The following MACROH2A1 variants were observed in gnomAD, a reference collection of about 807,000 sequenced individuals.
MACROH2A1 encodes the protein macroH2A.1 histone, also known as core histone macro-H2A.1.
A neutral mutation model predicts 31.6 loss-of-function variants in MACROH2A1; 2 were observed. The observed-to-expected ratio is 0.06, with a 90% CI of 0.03 to 0.20. The LOEUF is 0.20. Among genes scored for constraint, MACROH2A1 ranks in the 10% least tolerant of loss-of-function variants. The pLI is 1.00. For synonymous variants in MACROH2A1, 169 were observed against 189.6 expected (o/e 0.89, Z 0.89); for missense variants, 230 against 474.0 (o/e 0.49, Z 4.78).
rs1581395349 is a variant in MACROH2A1 at position 135,396,909 on chromosome 5, T to C, written c.-34+2153A>G. Among the ~76,000 whole-genome samples the C allele has an allele frequency of 7.2e-5, 11 of 152,178 alleles. 3 individuals are homozygous for C. Among genetic ancestry groups the C allele is most frequent in the Admixed American group, 7.2e-4 (11 of 15,276 alleles). On this transcript the variant is annotated intron_variant, in intron 1 of 8. Transcript: ENST00000511689. ...GAAGAGTTGACTCACTCAGGCTCACTTGTAAGCACTGAGGCAGGGCCCAAA... is the reference window on the plus strand; with the variant it reads ...GAAGAGTTGACTCACTCAGGCTCACCTGTAAGCACTGAGGCAGGGCCCAAA...
chr5:135,339,117 C>A (rs948896741), intron 8 of MACROH2A1, among the ~76,000 whole-genome samples: 1 of 152,190 alleles, frequency 6.6e-6, no homozygotes, highest in African/African-American at 2.4e-5. Flanking sequence ...GAGTTTCCTA[C>A]ACCATAGGGC....
intron 8 of MACROH2A1, chr5:135,337,796 C>T (rs769310012): frequency 1.3e-5 from 3 of 233,694 alleles, no homozygotes; most frequent in African/African-American, 2.3e-5. Context: ...CCTACCGTCC[C>T]GTTAATAGAG....
intron 2 of MACROH2A1, among the ~76,000 whole-genome samples, chr5:135,383,699 T>TGG (rs140513156): frequency 8.5e-6 from 1 of 118,310 alleles, no homozygotes; most frequent in Admixed American, 8.9e-5. Flanking sequence ...TGATGTGGTG[T>TGG]GGTGTGTGTG....
rs536902121 is a variant in MACROH2A1 at position 135,369,622 on chromosome 5, T to G, written c.280-19A>C. 95 of 1,594,422 alleles carry G rather than the reference T, an allele frequency of 6.0e-5. No homozygotes were observed. The highest frequency in any genetic ancestry group is 1.9e-4 in the Middle Eastern group (1 of 5,160). On this transcript the variant is annotated intron_variant, in intron 3 of 8. Coordinates refer to ENST00000511689, the MANE Select transcript of MACROH2A1 (RefSeq NM_138610.3). The surrounding 1 kb of genome is among the most constrained non-coding windows in gnomAD (Gnocchi z 4.3). Reference sequence around the variant, plus strand: ...TTAGCAGCTTTCAGGAAAACCAGAATAGCAGATAGTGAGCCAGATACCCTG... The same window carrying G: ...TTAGCAGCTTTCAGGAAAACCAGAAGAGCAGATAGTGAGCCAGATACCCTG...
In MACROH2A1 at chr5:135,335,152, GAAGAT is replaced by G; in HGVS notation, c.954-16_954-12del. ...TTTGGAAAACCGTTCCTGGAGAAGAGAAGATAAGCACTCAGCAACTGGGATGCCAC... is the reference window on the plus strand; with the variant it reads ...TTTGGAAAACCGTTCCTGGAGAAGAGAAGCACTCAGCAACTGGGATGCCAC... On this transcript the variant is annotated splice_polypyrimidine_tract_variant and intron_variant, in intron 8 of 8. Transcript: ENST00000511689. The G allele has an allele frequency of 6.2e-7, 1 of 1,612,712 alleles. No individual in the cohort carries two copies. The highest frequency in any genetic ancestry group is 8.5e-7 in the Non-Finnish European group (1 of 1,178,756).
chr5:135,399,354 C>G (rs1167297168), upstream of MACROH2A1: 1 of 152,348 alleles, frequency 6.6e-6, no homozygotes, highest in Non-Finnish European at 1.5e-5. The surrounding 1 kb of genome is among the most constrained non-coding windows in gnomAD (Gnocchi z 4.5). Flanking sequence ...ACCCCGGGCC[C>G]GCGCCCTACC....
At chr5:135,397,227 C>CT (rs1768137093) in intron 1 of MACROH2A1, among the ~76,000 whole-genome samples, 1 of 152,116 alleles carries the variant, frequency 6.6e-6, no homozygotes, top group Non-Finnish European at 1.5e-5. Context: ...CACATGCCCT[C>CT]TGAGCTTCTC....
At chr5:135,371,683 C>T (rs1460572283) in intron 2 of MACROH2A1, among the ~76,000 whole-genome samples, 1 of 152,150 alleles carries the variant, frequency 6.6e-6, no homozygotes, top group Non-Finnish European at 1.5e-5. Context: ...ACGGATAGAC[C>T]CAGAATGGAT....
At chr5:135,343,050 T>G (rs2149731535) in intron 8 of MACROH2A1, 1 of 1,218,514 alleles carries the variant, frequency 8.2e-7, no homozygotes, top group South Asian at 1.6e-5. Flanking sequence ...TATCAAAACT[T>G]AAGTTTTATA....
rs535259428 is a variant in MACROH2A1, at chr5:135,359,659, T to A, written c.588+838A>T. 3.6e-5 allele frequency: 35 copies of A among 985,138 alleles called. No individual in the cohort carries two copies. In the South Asian group the frequency reaches 1.3e-3, roughly 36 times the overall value. The allele number at this position is 985,138 out of a possible 1,614,324, so 61.0% of individuals were successfully genotyped here. On this transcript the variant is annotated intron_variant, in intron 5 of 8. Coordinates refer to ENST00000511689, the MANE Select transcript of MACROH2A1 (RefSeq NM_138610.3). Reference sequence around the variant, plus strand: ...ATGCAAAAGAAATTGACAGTGAGGGTTTAAAAATGATGCAGCTTCAGATCC... The same window carrying A: ...ATGCAAAAGAAATTGACAGTGAGGGATTAAAAATGATGCAGCTTCAGATCC...
chr5:135,364,321 A>C (rs916287835), intron 4 of MACROH2A1, among the ~76,000 whole-genome samples: 8 of 150,130 alleles, frequency 5.3e-5, no homozygotes, highest in Non-Finnish European at 1.2e-4. Flanking sequence ...GCAAACCAAC[A>C]TGGCACATGT....
At position 135,334,967 on chromosome 5, in the gene MACROH2A1, T is replaced by C. The variant is rs746277757; in HGVS notation, c.*9A>G. 4 of 1,611,354 alleles carry C rather than the reference T, an allele frequency of 2.5e-6. No individual in the cohort carries two copies. The highest frequency in any genetic ancestry group is 2.2e-5 in the East Asian group (1 of 44,814). ...GTACATGGTGCAGCTGGTTCTGTCA[T>C]TGCTCAGCCTAGTTGGCGTCCAGCT... is the stretch of plus-strand genomic sequence containing the variant. On this transcript the variant is annotated 3_prime_UTR_variant, in exon 9 of 9. Coordinates refer to ENST00000511689, the MANE Select transcript of MACROH2A1 (RefSeq NM_138610.3).
In MACROH2A1 at chr5:135,398,269, C is replaced by A. The variant is rs1312358869; in HGVS notation, c.-34+793G>T. Among the ~76,000 whole-genome samples, 1 of 152,186 alleles carries A rather than the reference C, an allele frequency of 6.6e-6. No individual in the cohort carries two copies. Among genetic ancestry groups the A allele is most frequent in the Non-Finnish European group, 1.5e-5 (1 of 68,018 alleles). On this transcript the variant is annotated intron_variant, in intron 1 of 8. Coordinates refer to ENST00000511689, the MANE Select transcript of MACROH2A1 (RefSeq NM_138610.3). The surrounding 1 kb of genome is among the most constrained non-coding windows in gnomAD (Gnocchi z 4.6). ...CACTGCCAGCAGCATCCTGCACACT[C>A]ACCTCCCCACTCCACCCCACCCCCA...
intron 4 of MACROH2A1, chr5:135,361,017 C>T (rs987461874): frequency 2.9e-5 from 10 of 340,722 alleles, no homozygotes; most frequent in East Asian, 8.2e-5. Context: ...CTCAAAAAGC[C>T]GACTAAGGAC....
chr5:135,396,853 C>G (rs545759923), intron 1 of MACROH2A1, among the ~76,000 whole-genome samples: 21 of 152,182 alleles, frequency 1.4e-4, no homozygotes, highest in African/African-American at 4.6e-4. Context: ...AGGTTTGGTC[C>G]AAGCAAACAA....
At chr5:135,345,863 GGCTGT>G (rs1237174994) in intron 7 of MACROH2A1, 100 bp downstream of exon 7, 8 of 755,300 alleles carry the variant, frequency 1.1e-5, no homozygotes, top group African/African-American at 5.1e-5. Flanking sequence ...TTGAAGATGC[GGCTGT>G]GCTGCCACAC....
intron 2 of MACROH2A1, among the ~76,000 whole-genome samples, chr5:135,376,530 C>G (rs1212222151): frequency 6.6e-6 from 1 of 152,234 alleles, no homozygotes; most frequent in African/African-American, 2.4e-5. Context: ...TTTCCTCTGC[C>G]TTCCTCACCT....
At position 135,369,700 on chromosome 5, in the gene MACROH2A1, G is replaced by A. The variant is rs969750813; in HGVS notation, c.280-97C>T. The A allele has an allele frequency of 2.1e-6, 2 of 937,462 alleles. No homozygotes were observed. The highest frequency in any genetic ancestry group is 3.3e-5 in the African/African-American group (2 of 61,222). 58.1% of individuals were successfully genotyped at this position (937,462 alleles called of 1,614,324 possible). A position where few individuals can be genotyped will look rare whatever the true frequency, so the allele number is the denominator to read the frequency against. ...CCCAGGACAGTCTTGCTTTGGGTTGGTGCAGCTCCTTCCTCCATGGCATCC... is the reference window on the plus strand; with the variant it reads ...CCCAGGACAGTCTTGCTTTGGGTTGATGCAGCTCCTTCCTCCATGGCATCC... On this transcript the variant is annotated intron_variant, in intron 3 of 8. Coordinates refer to ENST00000511689, the MANE Select transcript of MACROH2A1 (RefSeq NM_138610.3). The surrounding 1 kb of genome is among the most constrained non-coding windows in gnomAD (Gnocchi z 4.3).
At position 135,369,367 on chromosome 5, in the gene MACROH2A1, A is replaced by C; in HGVS notation, c.477+39T>G. The C allele has an allele frequency of 6.5e-7, 1 of 1,542,324 alleles. No individual in the cohort carries two copies. The highest frequency in any genetic ancestry group is 1.1e-5 in the South Asian group (1 of 89,664). ...TGGTAACCCTGTTTATCCGTACCCCATCCTATCCCACTTCATACATTCTGG... is the reference window on the plus strand; with the variant it reads ...TGGTAACCCTGTTTATCCGTACCCCCTCCTATCCCACTTCATACATTCTGG... On this transcript the variant is annotated intron_variant, in intron 4 of 8. Coordinates refer to ENST00000511689, the MANE Select transcript of MACROH2A1 (RefSeq NM_138610.3). The surrounding 1 kb of genome is among the most constrained non-coding windows in gnomAD (Gnocchi z 4.3).
Sources: allele counts gnomAD v4.1 joint callset (sites outside exome capture counted in the v4.1 genomes callset), GRCh38; gene constraint gnomAD v4.1.1; non-coding constraint Gnocchi (gnomAD v3.1); transcripts MANE v1.5; gene names NCBI Gene and HGNC (gene_info 2026-07-23, HGNC 2026-07-21).